The following PTPRE variants were observed in gnomAD, a reference collection of about 807,000 sequenced individuals.
The protein encoded by PTPRE is receptor-type tyrosine-protein phosphatase epsilon.
In PTPRE, 51 loss-of-function variants were observed where a neutral mutation model predicts 102.0. The observed-to-expected ratio is 0.50, with a 90% CI of 0.40 to 0.63. PTPRE has a LOEUF of 0.63. PTPRE is among the 30% of genes least tolerant of loss of function. The pLI is 0.00. For missense variants in PTPRE, 752 were observed against 915.1 expected (o/e 0.82, Z 2.30); for synonymous variants, 345 against 348.2 (o/e 0.99, Z 0.10).
At chr10:128,024,400 A>G (rs1300034499) in intron 2 of PTPRE, among the ~76,000 whole-genome samples, 4 of 152,200 alleles carry the variant, frequency 2.6e-5, no homozygotes, top group African/African-American at 9.7e-5. Flanking sequence ...GGGTCTGAGA[A>G]AGCGTGCTTT....
At chr10:127,974,677 A>T (rs903592013) in intron 1 of PTPRE, among the ~76,000 whole-genome samples, 16 of 152,158 alleles carry the variant, frequency 1.1e-4, no homozygotes, top group Non-Finnish European at 1.6e-4. Context: ...ATGCTCACTA[A>T]TGTTAAATGG....
chr10:128,082,294 A>G (rs925606256), intron 20 of PTPRE, among the ~76,000 whole-genome samples: 9 of 140,656 alleles, frequency 6.4e-5, no homozygotes, highest in Non-Finnish European at 3.0e-5. Flanking sequence ...GCTCACTGCA[A>G]TCTGCCTCCT....
intron 10 of PTPRE, among the ~76,000 whole-genome samples, chr10:128,064,093 T>C (rs369209821): frequency 1.3e-5 from 2 of 152,142 alleles, no homozygotes; most frequent in East Asian, 3.9e-4. Context: ...TCCCAGGCAT[T>C]GTAGCGAGGA....
intron 1 of PTPRE, among the ~76,000 whole-genome samples, chr10:127,945,274 G>GA: frequency 6.6e-6 from 1 of 152,196 alleles, no homozygotes; most frequent in African/African-American, 2.4e-5. Context: ...TTCATACATG[G>GA]GGGTGAGAGG....
At chr10:127,985,196 C>A (rs886296119) in intron 2 of PTPRE, among the ~76,000 whole-genome samples, 12 of 152,238 alleles carry the variant, frequency 7.9e-5, no homozygotes, top group Non-Finnish European at 1.2e-4. Flanking sequence ...AACACATCAG[C>A]CTGTGCAAGC....
At chr10:127,966,804 G>A (rs140251627) in intron 1 of PTPRE, among the ~76,000 whole-genome samples, 2 of 152,146 alleles carry the variant, frequency 1.3e-5, no homozygotes, top group African/African-American at 4.8e-5. Flanking sequence ...TTTTGACCAC[G>A]ACACCTTTGT....
chr10:128,082,193 TTC>T (rs199753672), intron 20 of PTPRE, among the ~76,000 whole-genome samples: 1 of 55,574 alleles, frequency 1.8e-5, no homozygotes. Flanking sequence ...TTTTTTCTCT[TTC>T]TTTTTTTTTT....
chr10:128,069,469 T>C (rs541855039), intron 12 of PTPRE: 177 of 574,300 alleles, frequency 3.1e-4, no homozygotes, highest in African/African-American at 2.9e-3. Context: ...CAGCTGTTAA[T>C]GTGCCTCTTA....
At chr10:127,947,881 G>A (rs1475277480) in intron 1 of PTPRE, among the ~76,000 whole-genome samples, 2 of 152,316 alleles carry the variant, frequency 1.3e-5, no homozygotes, top group South Asian at 4.1e-4. Flanking sequence ...TGGGGAAACT[G>A]AGGCCTGTTG....
At chr10:128,018,589 G>A (rs1018288581) in intron 2 of PTPRE, among the ~76,000 whole-genome samples, 4 of 152,192 alleles carry the variant, frequency 2.6e-5, no homozygotes, top group Admixed American at 1.3e-4. Context: ...TCCCAGAGGA[G>A]GGGGGCTGAG....
At chr10:127,967,054 C>T (rs980825363) in intron 1 of PTPRE, among the ~76,000 whole-genome samples, 3 of 152,218 alleles carry the variant, frequency 2.0e-5, no homozygotes, top group South Asian at 4.1e-4. Flanking sequence ...TCAGGCCAAC[C>T]GTCCTGCTCT....
At chr10:128,036,828 T>G (rs371714166) in intron 2 of PTPRE, among the ~76,000 whole-genome samples, 56 of 152,318 alleles carry the variant, frequency 3.7e-4, no homozygotes, top group African/African-American at 1.3e-3. Context: ...CACCGAGGAA[T>G]CTTCATAAAA....
chr10:128,010,655 G>A lies in PTPRE; in HGVS notation c.-8+28359G>A, dbSNP rs539278474. ...TGGAGGGCAGTGAGGGCAGTGGCGC[G>A]ATCTTGGCTTACTACAAGCTCCGCC... On this transcript the variant is annotated intron_variant, in intron 2 of 20. Coordinates refer to ENST00000254667, the MANE Select transcript of PTPRE (RefSeq NM_006504.6). Among the ~76,000 whole-genome samples the A allele has an allele frequency of 4.0e-5, 6 of 151,256 alleles. No individual in the cohort carries two copies. In the East Asian group the frequency reaches 5.8e-4, roughly 15 times the overall value.
chr10:128,077,565 G>T, intron 18 of PTPRE, 52 bp from the exon 19 acceptor site: 1 of 1,559,680 alleles, frequency 6.4e-7, no homozygotes. Context: ...ATGGGGCTGG[G>T]GCCTGTTCCC....
intron 1 of PTPRE, among the ~76,000 whole-genome samples, chr10:127,961,986 C>T (rs573666596): frequency 6.6e-6 from 1 of 152,304 alleles, no homozygotes; most frequent in South Asian, 2.1e-4. Context: ...GATGCTGGCT[C>T]CAGGGTAGGA....
rs558039072 is a variant in PTPRE at position 128,047,179 on chromosome 10, C to T, written c.110-211C>T. ...GGGATTTTGGACAAGTCACCTCACC[C>T]ACTCCTCAGTCCCGGATTCTTTCTC... On this transcript the variant is annotated intron_variant, in intron 3 of 20. Transcript: ENST00000254667. Among the ~76,000 whole-genome samples the T allele has an allele frequency of 1.2e-4, 18 of 152,358 alleles. No homozygotes were observed. The East Asian group carries it at 3.1e-3, about 26-fold the overall frequency.
intron 2 of PTPRE, among the ~76,000 whole-genome samples, chr10:128,029,761 T>C (rs2135735098): frequency 6.6e-6 from 1 of 152,370 alleles, no homozygotes; most frequent in Non-Finnish European, 1.5e-5. Flanking sequence ...AGACGGACTG[T>C]AAGCCCAGGC....
At chr10:127,956,733 G>A (rs545022078) in intron 1 of PTPRE, among the ~76,000 whole-genome samples, 42 of 152,314 alleles carry the variant, frequency 2.8e-4, no homozygotes, top group African/African-American at 9.4e-4. Context: ...CCAGCATTTG[G>A]TGTTGTCAGT....
intron 1 of PTPRE, among the ~76,000 whole-genome samples, chr10:127,965,358 G>A (rs1850168458): frequency 6.7e-6 from 1 of 148,734 alleles, no homozygotes; most frequent in African/African-American, 2.5e-5. Context: ...TATTTAAATT[G>A]ATTTACATCC....
Sources: gnomAD v4.1 joint callset for allele counts (sites outside exome capture counted in the v4.1 genomes callset) on GRCh38, gnomAD v4.1.1 for gene constraint, MANE v1.5 for transcripts, NCBI Gene and HGNC (gene_info 2026-07-23, HGNC 2026-07-21) for gene names.